Variants in RGS7 observed in about 807,000 individuals in gnomAD.
The protein encoded by RGS7 is regulator of G-protein signaling 7.
RGS7 carries 27 observed loss-of-function variants against 81.1 expected under a neutral mutation model. That is an observed-to-expected ratio of 0.33 (90% CI 0.25 to 0.46). RGS7 has a LOEUF of 0.46. RGS7 is among the 20% of genes least tolerant of loss of function. The pLI, the probability that RGS7 is intolerant of heterozygous loss-of-function variation, is 1.00. For missense variants in RGS7, 396 were observed against 607.4 expected (o/e 0.65, Z 3.66); for synonymous variants, 208 against 207.7 (o/e 1.00, Z -0.01).
chr1:241,327,080 GAGAAAGAA>G (rs75083243), intron 2 of RGS7, among the ~76,000 whole-genome samples: 5,818 of 48,948 alleles, frequency 0.12, 411 homozygotes, highest in African/African-American at 0.13. Flanking sequence ...AAGGAAGGAA[GAGAAAGAA>G]AGAAAGAAAG....
chr1:241,290,334 C>A (rs970379158), intron 2 of RGS7, among the ~76,000 whole-genome samples: 4 of 152,176 alleles, frequency 2.6e-5, no homozygotes, highest in African/African-American at 7.2e-5. Flanking sequence ...ACATAGTCTA[C>A]TAGCTAACAG....
At chr1:240,866,780 G>T (rs899683119) in intron 9 of RGS7, among the ~76,000 whole-genome samples, 2 of 152,200 alleles carry the variant, frequency 1.3e-5, no homozygotes, top group Non-Finnish European at 2.9e-5. Context: ...TGGAGCAGGG[G>T]AGTGTTTGAG....
chr1:240,786,067 T>G (rs1382830494), intron 18 of RGS7, among the ~76,000 whole-genome samples: 1 of 152,232 alleles, frequency 6.6e-6, no homozygotes, highest in Non-Finnish European at 1.5e-5. Flanking sequence ...ATTTAAGTAC[T>G]GGTCACTAGC....
chr1:240,782,941 T>C (rs1684376552), intron 18 of RGS7, among the ~76,000 whole-genome samples: 1 of 152,214 alleles, frequency 6.6e-6, no homozygotes, highest in Admixed American at 6.5e-5. Context: ...AACAAATCTA[T>C]AGAGAAAGAC....
At chr1:241,057,188 T>A (rs2061515797) in intron 3 of RGS7, among the ~76,000 whole-genome samples, 1 of 152,138 alleles carries the variant, frequency 6.6e-6, no homozygotes, top group South Asian at 2.1e-4. Flanking sequence ...TTCCCTGAAT[T>A]TTCACTGCAG....
chr1:240,803,074 G>C, intron 15 of RGS7, 81 bp from the exon 16 acceptor site: 1 of 960,920 alleles, frequency 1.0e-6, no homozygotes, highest in East Asian at 2.4e-5. Context: ...CATGGCTAAA[G>C]AACAAATCTA....
intron 3 of RGS7, among the ~76,000 whole-genome samples, chr1:241,091,533 G>A (rs1415815981): frequency 6.8e-6 from 1 of 148,110 alleles, no homozygotes; most frequent in Non-Finnish European, 1.5e-5. Context: ...GGGCGACAGA[G>A]CGAGACTCTG....
intron 2 of RGS7, among the ~76,000 whole-genome samples, chr1:241,230,994 T>C (rs1416786245): frequency 6.6e-6 from 1 of 152,198 alleles, no homozygotes; most frequent in Non-Finnish European, 1.5e-5. Context: ...ATAACTCTTT[T>C]GGTTGTTGGT....
At chr1:241,005,121 T>C (rs2058616003) in intron 3 of RGS7, among the ~76,000 whole-genome samples, 2 of 152,166 alleles carry the variant, frequency 1.3e-5, no homozygotes. Context: ...GAGTTTATGG[T>C]CAGCTTCCTC....
At chr1:241,149,837 G>A (rs771841188) in intron 2 of RGS7, among the ~76,000 whole-genome samples, 1 of 152,076 alleles carries the variant, frequency 6.6e-6, no homozygotes, top group Non-Finnish European at 1.5e-5. Context: ...GTGTAGTGGT[G>A]GGATCTCAGC....
intron 2 of RGS7, among the ~76,000 whole-genome samples, chr1:241,245,219 G>A (rs1036589930): frequency 6.6e-6 from 1 of 152,106 alleles, no homozygotes; most frequent in African/African-American, 2.4e-5. Flanking sequence ...TATTGGAGGA[G>A]GGGCCTGGTG....
rs7520986 is a variant in RGS7 at position 241,133,167 on chromosome 1, G to A, written c.79-34405C>T. ...GTAAAAATTACAATACAAGTGAAAT[G>A]CTTTTTATTTACATTTATAAAGAAT... is the stretch of plus-strand genomic sequence containing the variant. On this transcript the variant is annotated intron_variant, in intron 2 of 18. Transcript: ENST00000440928. Among the ~76,000 whole-genome samples the A allele has an allele frequency of 6.0e-3, 918 of 152,068 alleles. 5 individuals are homozygous for A. Among genetic ancestry groups the A allele is most frequent in the African/African-American group, 0.021 (877 of 41,478 alleles).
intron 18 of RGS7, among the ~76,000 whole-genome samples, chr1:240,784,107 A>G (rs1684617027): frequency 6.6e-6 from 1 of 151,598 alleles, no homozygotes; most frequent in East Asian, 1.9e-4. Flanking sequence ...TAATCACTTG[A>G]ACCCGGGAGG....
At position 241,244,530 on chromosome 1, in the gene RGS7, T is replaced by C. The variant is rs1355678756; in HGVS notation, c.78+111169A>G. ...GTGGGACTGTAAACTAGTTCAACCA[T>C]TGTGGAAGTCAGTGTGGCGATTCCT... On this transcript the variant is annotated intron_variant, in intron 2 of 18. Coordinates refer to ENST00000440928, the MANE Select transcript of RGS7 (RefSeq NM_001364886.1). Among the ~76,000 whole-genome samples, 6 of 152,282 alleles carry C rather than the reference T, an allele frequency of 3.9e-5. No homozygotes were observed. The South Asian group carries it at 1.0e-3, about 26-fold the overall frequency.
intron 18 of RGS7, among the ~76,000 whole-genome samples, chr1:240,796,635 G>A (rs912633278): frequency 6.6e-6 from 1 of 152,180 alleles, no homozygotes; most frequent in Non-Finnish European, 1.5e-5. Flanking sequence ...GCAGTGAGCC[G>A]AGATCGTGCC....
chr1:241,161,833 T>G (rs2103200848), intron 2 of RGS7, among the ~76,000 whole-genome samples: 1 of 151,636 alleles, frequency 6.6e-6, no homozygotes, highest in South Asian at 2.1e-4. Flanking sequence ...TTCTCCTGCC[T>G]CAGCCACCCG....
intron 6 of RGS7, among the ~76,000 whole-genome samples, chr1:240,930,222 C>CTTTTTTTTT (rs10676730): frequency 4.4e-5 from 5 of 113,888 alleles, no homozygotes; most frequent in African/African-American, 1.0e-4. Context: ...TCTTTTTTAG[C>CTTTTTTTTT]TTTTTTTTTT....
intron 4 of RGS7, among the ~76,000 whole-genome samples, chr1:240,971,486 C>G (rs545229063): frequency 2.1e-4 from 32 of 152,256 alleles, no homozygotes; most frequent in African/African-American, 7.7e-4. Flanking sequence ...ATAAGTAGAA[C>G]TACATATAAG....
At chr1:241,354,829 C>T (rs1182125304) in intron 2 of RGS7, among the ~76,000 whole-genome samples, 1 of 152,068 alleles carries the variant, frequency 6.6e-6, no homozygotes, top group Non-Finnish European at 1.5e-5. Context: ...ATAAGCACTC[C>T]AGATAATATA....
Sources: allele counts gnomAD v4.1 joint callset (sites outside exome capture counted in the v4.1 genomes callset), GRCh38; gene constraint gnomAD v4.1.1; transcripts MANE v1.5; gene names NCBI Gene and HGNC (gene_info 2026-07-23, HGNC 2026-07-21).